Variants in LRMDA observed in about 807,000 individuals in gnomAD.
LRMDA encodes the protein leucine-rich melanocyte differentiation-associated protein.
In LRMDA, 18 loss-of-function variants were observed where a neutral mutation model predicts 29.8. That is an observed-to-expected ratio of 0.60 (90% CI 0.42 to 0.90). The LOEUF (loss-of-function observed/expected upper bound fraction) is 0.90, where lower values mean the gene tolerates loss of function less well. Among genes scored for constraint, LRMDA ranks in the 40% least tolerant of loss-of-function variants. The probability of loss-of-function intolerance (pLI) is 0.00; values close to 1 mark genes in which losing one functional copy is unlikely to be tolerated. For synonymous variants in LRMDA, 125 were observed against 109.4 expected (o/e 1.14, Z -0.89); for missense variants, 273 against 273.9 (o/e 1.00, Z 0.02).
At chr10:76,219,106 T>G (rs990534898) in intron 5 of LRMDA, among the ~76,000 whole-genome samples, 2 of 152,126 alleles carry the variant, frequency 1.3e-5, no homozygotes, top group African/African-American at 4.8e-5. Flanking sequence ...AAAGAACTCC[T>G]GAAGGAAGCA....
intron 5 of LRMDA, among the ~76,000 whole-genome samples, chr10:76,186,362 T>C (rs963827636): frequency 2.0e-5 from 3 of 152,242 alleles, no homozygotes; most frequent in Admixed American, 6.5e-5. Flanking sequence ...CAGTATGTTT[T>C]TGTTCTTTTG....
At chr10:76,220,347 G>A (rs1412780024) in intron 5 of LRMDA, among the ~76,000 whole-genome samples, 1 of 151,736 alleles carries the variant, frequency 6.6e-6, no homozygotes, top group African/African-American at 2.4e-5. Context: ...TTTTTGAAAG[G>A]ATCAACAAAA....
intron 2 of LRMDA, among the ~76,000 whole-genome samples, chr10:76,007,233 G>A (rs938610387): frequency 3.3e-5 from 5 of 151,734 alleles, no homozygotes; most frequent in Admixed American, 6.6e-5. Flanking sequence ...TCATTCACCC[G>A]CCTCCTTGTC....
rs11001732 is a variant in LRMDA, at chr10:76,334,024, G to A, written c.601+9539G>A. ...ATCTGGCCTGTTAAATGGAAGACCG[G>A]TGGAGTTAATGTAGTGGAGCTGTGG... On this transcript the variant is annotated intron_variant, in intron 6 of 6. Coordinates refer to ENST00000611255, the MANE Select transcript of LRMDA (RefSeq NM_001305581.2). 2.1e-4 allele frequency among the ~76,000 whole-genome samples: 32 copies of A among 152,350 alleles called. 1 individual carries two copies. In the East Asian group the frequency reaches 6.0e-3, roughly 28 times the overall value.
intron 2 of LRMDA, among the ~76,000 whole-genome samples, chr10:75,802,994 CCTTTA>C (rs1843785663): frequency 6.9e-6 from 1 of 144,374 alleles, no homozygotes; most frequent in African/African-American, 2.6e-5. Context: ...TTCTTAGCTC[CCTTTA>C]CTTCTACCTT....
At chr10:75,724,125 T>G (rs1187056687) in intron 2 of LRMDA, among the ~76,000 whole-genome samples, 9 of 152,200 alleles carry the variant, frequency 5.9e-5, no homozygotes, top group Non-Finnish European at 1.5e-5. Context: ...ACAGGACTTA[T>G]GACAGGTAGA....
rs5786231 is a variant in LRMDA at position 76,343,813 on chromosome 10, A to ATTTTTTTTT, written c.601+19340_601+19348dup. 1.2e-3 allele frequency among the ~76,000 whole-genome samples: 158 copies of ATTTTTTTTT among 126,618 alleles called. 3 individuals carry two copies. Among genetic ancestry groups the ATTTTTTTTT allele is most frequent in the African/African-American group, 4.5e-3 (150 of 33,496 alleles). The allele number at this position is 126,618 out of a possible 152,430, so 83.1% of individuals were successfully genotyped here. A position where few individuals can be genotyped will look rare whatever the true frequency, so the allele number is the denominator to read the frequency against. On this transcript the variant is annotated intron_variant, in intron 6 of 6. Coordinates refer to ENST00000611255, the MANE Select transcript of LRMDA (RefSeq NM_001305581.2). ...TATAAAAGTTTCATGTTTACAGGTG[A>ATTTTTTTTT]TTTTTTTTTTTTTTTTTTTTGTGAG...
chr10:75,562,338 A>C (rs1840308767), intron 2 of LRMDA, among the ~76,000 whole-genome samples: 1 of 152,012 alleles, frequency 6.6e-6, no homozygotes, highest in Admixed American at 6.6e-5. Context: ...GTTTTATCAG[A>C]GACTAGGACT....
intron 2 of LRMDA, among the ~76,000 whole-genome samples, chr10:75,893,083 T>A (rs1845521228): frequency 6.6e-6 from 1 of 152,146 alleles, no homozygotes; most frequent in African/African-American, 2.4e-5. Context: ...GTTGGACTCG[T>A]GTGATAGGAA....
At chr10:76,295,231 C>T (rs1840397365) in intron 5 of LRMDA, among the ~76,000 whole-genome samples, 1 of 152,152 alleles carries the variant, frequency 6.6e-6, no homozygotes, top group Non-Finnish European at 1.5e-5. Context: ...TGATATTCTT[C>T]CTTACAAAGA....
At chr10:76,072,904 G>A (rs953849208) in intron 5 of LRMDA, among the ~76,000 whole-genome samples, 2 of 152,244 alleles carry the variant, frequency 1.3e-5, no homozygotes, top group Admixed American at 1.3e-4. Context: ...GAGTAGTCTT[G>A]AAGTAGGCCT....
intron 2 of LRMDA, among the ~76,000 whole-genome samples, chr10:75,913,638 T>G (rs980755270): frequency 1.8e-4 from 27 of 152,156 alleles, no homozygotes; most frequent in African/African-American, 6.3e-4. Context: ...GGCTGAGGTT[T>G]CCCTCACCTC....
At chr10:76,268,479 C>T (rs1840031039) in intron 5 of LRMDA, among the ~76,000 whole-genome samples, 1 of 152,152 alleles carries the variant, frequency 6.6e-6, no homozygotes, top group African/African-American at 2.4e-5. Context: ...TTTCACTTCT[C>T]TCACCCCTCT....
intron 2 of LRMDA, among the ~76,000 whole-genome samples, chr10:75,840,646 A>T (rs1215871720): frequency 6.6e-6 from 1 of 152,158 alleles, no homozygotes; most frequent in African/African-American, 2.4e-5. Context: ...AGGGGAAAAA[A>T]CCTACAAGAA....
intron 2 of LRMDA, among the ~76,000 whole-genome samples, chr10:75,736,260 T>A (rs1842761119): frequency 6.6e-6 from 1 of 152,244 alleles, no homozygotes; most frequent in Non-Finnish European, 1.5e-5. Context: ...ATTTACCCAT[T>A]ACCTCTTAGG....
chr10:75,964,695 C>T (rs1266327626), intron 2 of LRMDA, among the ~76,000 whole-genome samples: 1 of 152,184 alleles, frequency 6.6e-6, no homozygotes, highest in South Asian at 2.1e-4. Context: ...TAGATAGGAT[C>T]TTGGTTAAGA....
At chr10:75,777,595 G>A (rs1408876911) in intron 2 of LRMDA, among the ~76,000 whole-genome samples, 1 of 152,198 alleles carries the variant, frequency 6.6e-6, no homozygotes, top group Non-Finnish European at 1.5e-5. Flanking sequence ...CTCCTGACTG[G>A]GGACCTACTT....
rs967699376 is a variant in LRMDA at position 76,297,877 on chromosome 10, C to A, written c.517-26524C>A. Among the ~76,000 whole-genome samples, 8 of 152,270 alleles carry A rather than the reference C, an allele frequency of 5.3e-5. No individual in the cohort carries two copies. The East Asian group carries it at 1.5e-3, about 29-fold the overall frequency. On this transcript the variant is annotated intron_variant, in intron 5 of 6. Coordinates refer to ENST00000611255, the MANE Select transcript of LRMDA (RefSeq NM_001305581.2). ...AGAGCTTTCAGGGCCTTTTGGCGTG[C>A]TGCAAATGTTTACTTATCCAGGTAC...
chr10:76,427,401 G>A (rs1165396251), intron 6 of LRMDA, among the ~76,000 whole-genome samples: 1 of 152,020 alleles, frequency 6.6e-6, no homozygotes, highest in East Asian at 1.9e-4. Context: ...TTGGCTCTCT[G>A]TTTGTCTGTT....
Sources: allele counts gnomAD v4.1 joint callset (sites outside exome capture counted in the v4.1 genomes callset), GRCh38; gene constraint gnomAD v4.1.1; transcripts MANE v1.5; gene names NCBI Gene and HGNC (gene_info 2026-07-23, HGNC 2026-07-21).